HHIPL1: variants seen among roughly 807,000 people sequenced by gnomAD.
HHIPL1 encodes HHIP like 1.
In HHIPL1, 43 loss-of-function variants were observed where a neutral mutation model predicts 61.8. The observed-to-expected ratio is 0.70, with a 90% CI of 0.55 to 0.90. The LOEUF (loss-of-function observed/expected upper bound fraction) is 0.90. Ranked by LOEUF, HHIPL1 falls within the 40% of genes least tolerant of loss-of-function variation. HHIPL1 has a pLI of 0.00. For missense variants in HHIPL1, 1,056 were observed against 1,157.7 expected (o/e 0.91, Z 1.28); for synonymous variants, 482 against 515.8 (o/e 0.93, Z 0.89).
At chr14:99,634,187 C>T in the HHIPL1 span, among the ~76,000 whole-genome samples, 2 of 152,166 alleles carry the variant, frequency 1.3e-5, no homozygotes, top group Non-Finnish European at 2.9e-5. Context: ...TTCTGAGCAG[C>T]GAGAGAGGGC....
At position 99,675,582 on chromosome 14, in the gene HHIPL1, G is replaced by A. The variant is rs748824370; in HGVS notation, c.2305G>A (p.Glu769Lys). The change falls in exon 9 of 9, where the codon GAG becomes AAG. Residue 769 changes from glutamate to lysine, a missense_variant. Transcript: ENST00000330710. This position sits in a 1 kb window ranked among gnomAD's most constrained non-coding sequence, Gnocchi z 5.4. ...GVGTHNCEHDEDAGVVCSHQN... is the reference protein window; with the variant it reads ...GVGTHNCEHDKDAGVVCSHQN... ...GGGCACCCACAACTGCGAGCACGAC[G>A]AGGATGCGGGCGTCGTGTGCAGCCA... The A allele has an allele frequency of 3.5e-5, 53 of 1,533,650 alleles. No individual in the cohort carries two copies. Among genetic ancestry groups the A allele is most frequent in the South Asian group, 1.1e-4 (9 of 83,718 alleles).
the HHIPL1 span, among the ~76,000 whole-genome samples, chr14:99,606,069 C>T: frequency 6.6e-6 from 1 of 152,148 alleles, no homozygotes; most frequent in Non-Finnish European, 1.5e-5. Flanking sequence ...GGGGAGTACA[C>T]AGAGAGGTCC....
chr14:99,668,430 A>G lies in HHIPL1; in HGVS notation c.1730+127A>G. ...TCCCCATTTTCAGACAAGAACCCTG[A>G]GGCCCAGAGAGGGACGTGATTTGCC... On this transcript the variant is annotated intron_variant, in intron 7 of 8. Transcript: ENST00000330710. The surrounding 1 kb of genome is among the most constrained non-coding windows in gnomAD (Gnocchi z 4.7). 1 of 657,376 alleles carries G rather than the reference A, an allele frequency of 1.5e-6. No individual in the cohort carries two copies. Among genetic ancestry groups the G allele is most frequent in the Non-Finnish European group, 2.7e-6 (1 of 363,836 alleles). 40.7% of individuals were successfully genotyped at this position (657,376 alleles called of 1,614,324 possible). A position where few individuals can be genotyped will look rare whatever the true frequency, so the allele number is the denominator to read the frequency against.
chr14:99,645,486 G>A (rs1372290875), intron 1 of HHIPL1, 24 bp downstream of exon 1: 6 of 1,262,738 alleles, frequency 4.8e-6, no homozygotes, highest in Non-Finnish European at 5.9e-6. Context: ...CGGCCACCGG[G>A]CGGGGCGGGG....
chr14:99,604,979 G>A, the HHIPL1 span, among the ~76,000 whole-genome samples: 1 of 152,174 alleles, frequency 6.6e-6, no homozygotes, highest in Non-Finnish European at 1.5e-5. Flanking sequence ...CCAGGGCTGA[G>A]CTAAACGCTG....
At chr14:99,669,180 G>A (rs2056298421) in intron 7 of HHIPL1, 2 of 1,304,436 alleles carry the variant, frequency 1.5e-6, no homozygotes, top group South Asian at 4.5e-5. Flanking sequence ...GGCCAAGCCT[G>A]TATCTCTTCA....
chr14:99,626,476 C>G, the HHIPL1 span, among the ~76,000 whole-genome samples: 2 of 152,168 alleles, frequency 1.3e-5, no homozygotes, highest in African/African-American at 4.8e-5. Flanking sequence ...GCCCATCCAG[C>G]TACCTCCACT....
the HHIPL1 span, among the ~76,000 whole-genome samples, chr14:99,607,784 T>G: frequency 9.2e-5 from 14 of 152,222 alleles, no homozygotes; most frequent in African/African-American, 3.4e-4. Flanking sequence ...GTCTGAGGCT[T>G]CATTTTGAAG....
upstream of HHIPL1, among the ~76,000 whole-genome samples, chr14:99,642,681 A>G (rs985973548): frequency 1.3e-5 from 2 of 152,004 alleles, no homozygotes; most frequent in South Asian, 2.1e-4. Flanking sequence ...GCCCATCACC[A>G]TGCCCGGCTA....
the HHIPL1 span, among the ~76,000 whole-genome samples, chr14:99,635,714 A>C: frequency 3.3e-5 from 5 of 152,144 alleles, no homozygotes; most frequent in Non-Finnish European, 7.4e-5. Flanking sequence ...CACAGACACA[A>C]GGCAGTCCAG....
the HHIPL1 span, among the ~76,000 whole-genome samples, chr14:99,607,764 G>T: frequency 1.2e-5 from 1 of 80,344 alleles, no homozygotes; most frequent in Non-Finnish European, 2.5e-5. Context: ...CTCAGTACGT[G>T]ACAGATTGAG....
chr14:99,637,200 G>GAAA, the HHIPL1 span, among the ~76,000 whole-genome samples: 3 of 104,208 alleles, frequency 2.9e-5, no homozygotes, highest in Admixed American at 1.0e-4. Flanking sequence ...AAGAAAGAAA[G>GAAA]GAAGAAAGAA....
At chr14:99,627,282 A>T in the HHIPL1 span, among the ~76,000 whole-genome samples, 1 of 151,174 alleles carries the variant, frequency 6.6e-6, no homozygotes, top group Non-Finnish European at 1.5e-5. This position sits in a 1 kb window ranked among gnomAD's most constrained non-coding sequence, Gnocchi z 4.4. Context: ...CTATCTGTTC[A>T]TCTATTCATC....
At chr14:99,655,629 G>A (rs1016451369) in intron 2 of HHIPL1, among the ~76,000 whole-genome samples, 3 of 152,070 alleles carry the variant, frequency 2.0e-5, no homozygotes, top group African/African-American at 7.2e-5. Flanking sequence ...AGGAAAAAAA[G>A]AAAGAAAGAA....
the HHIPL1 span, among the ~76,000 whole-genome samples, chr14:99,623,456 C>A: frequency 6.6e-6 from 1 of 152,116 alleles, no homozygotes; most frequent in East Asian, 1.9e-4. Flanking sequence ...CTCTGTCCCC[C>A]AGGCTGGAGT....
the HHIPL1 span, among the ~76,000 whole-genome samples, chr14:99,631,857 A>G: frequency 6.6e-6 from 1 of 152,222 alleles, no homozygotes; most frequent in Non-Finnish European, 1.5e-5. Flanking sequence ...GTGGGCCTTG[A>G]CTGTCCTACT....
At chr14:99,650,244 C>T (rs1459886947) in intron 1 of HHIPL1, among the ~76,000 whole-genome samples, 3 of 152,204 alleles carry the variant, frequency 2.0e-5, no homozygotes, top group African/African-American at 7.2e-5. Context: ...CTCCCCCAAA[C>T]GTCCCAGAGG....
intron 5 of HHIPL1, among the ~76,000 whole-genome samples, chr14:99,661,415 G>A (rs1241337640): frequency 3.3e-5 from 2 of 59,938 alleles, no homozygotes; most frequent in Non-Finnish European, 6.4e-5. Context: ...GAGAGAGAGA[G>A]AGAAAAGAAG....
At chr14:99,623,840 G>T in the HHIPL1 span, among the ~76,000 whole-genome samples, 3 of 152,136 alleles carry the variant, frequency 2.0e-5, no homozygotes, top group Non-Finnish European at 4.4e-5. Flanking sequence ...TAGCAGCCCC[G>T]CCAGTGCCGG....
Sources: gnomAD v4.1 joint callset for allele counts (sites outside exome capture counted in the v4.1 genomes callset) on GRCh38, gnomAD v4.1.1 for gene constraint, Gnocchi (gnomAD v3.1) non-coding constraint, MANE v1.5 for transcripts, NCBI Gene and HGNC (gene_info 2026-07-23, HGNC 2026-07-21) for gene names.